The following GRIP1 variants were observed in gnomAD, a reference collection of about 807,000 sequenced individuals.
GRIP1 encodes glutamate receptor-interacting protein 1.
Under a neutral mutation model 129.9 loss-of-function variants are expected in GRIP1, and 45 were observed. The observed-to-expected ratio is 0.35, with a 90% confidence interval of 0.27 to 0.44. The LOEUF is 0.44. Ranked by LOEUF, GRIP1 falls within the 20% of genes least tolerant of loss-of-function variation. The pLI is 1.00. For missense variants in GRIP1, 1,196 were observed against 1,396.8 expected (o/e 0.86, Z 2.29); for synonymous variants, 530 against 520.8 (o/e 1.02, Z -0.24).
intron 1 of GRIP1, among the ~76,000 whole-genome samples, chr12:66,816,247 C>A (rs1173158766): frequency 2.0e-5 from 3 of 152,078 alleles, no homozygotes; most frequent in Admixed American, 2.0e-4. Context: ...TTATTTGTCT[C>A]CCCTCACTTA....
At chr12:66,689,793 G>A (rs2034913049) in intron 1 of GRIP1, among the ~76,000 whole-genome samples, 1 of 152,022 alleles carries the variant, frequency 6.6e-6, no homozygotes, top group Admixed American at 6.6e-5. Context: ...GTAATTGAAA[G>A]TTCGTACCCT....
At chr12:66,449,443 AG>A (rs527830012) in intron 11 of GRIP1, among the ~76,000 whole-genome samples, 46 of 152,162 alleles carry the variant, frequency 3.0e-4, no homozygotes, top group Non-Finnish European at 5.4e-4. Flanking sequence ...AGGAGGAGTA[AG>A]AAAAAAAATC....
chr12:66,398,094 G>A (rs900247085), intron 16 of GRIP1, among the ~76,000 whole-genome samples: 7 of 152,124 alleles, frequency 4.6e-5, no homozygotes, highest in Non-Finnish European at 4.4e-5. Context: ...GCCCCACTGT[G>A]GCTCTGCCCA....
chr12:66,880,111 A>G (rs2040450625), intron 1 of GRIP1, among the ~76,000 whole-genome samples: 1 of 152,118 alleles, frequency 6.6e-6, no homozygotes, highest in South Asian at 2.1e-4. Context: ...AAGACCAGAT[A>G]GCTTGAGGTT....
chr12:67,064,239 T>C lies in GRIP1; in HGVS notation c.58+4811A>G, dbSNP rs138000013. Among the ~76,000 whole-genome samples, 84 of 152,330 alleles carry C rather than the reference T, an allele frequency of 5.5e-4. 2 individuals are homozygous for C. The East Asian group carries it at 0.011, about 20-fold the overall frequency. On this transcript the variant is annotated intron_variant, in intron 1 of 1. Coordinates refer to the GRIP1 transcript ENST00000643019. Reference sequence around the variant, plus strand: ...CCAGTATACATAACTAAGCAAACTCTCTAATGAATTCCTAATGAAAGATTT... The same window carrying C: ...CCAGTATACATAACTAAGCAAACTCCCTAATGAATTCCTAATGAAAGATTT...
At chr12:66,935,382 T>C (rs988119683) in intron 1 of GRIP1, among the ~76,000 whole-genome samples, 1 of 151,916 alleles carries the variant, frequency 6.6e-6, no homozygotes, top group African/African-American at 2.4e-5. Context: ...GCTAAATGAG[T>C]AGCTAATGAA....
At chr12:66,689,224 T>C (rs377183619) in intron 1 of GRIP1, among the ~76,000 whole-genome samples, 1 of 152,296 alleles carries the variant, frequency 6.6e-6, no homozygotes, top group Non-Finnish European at 1.5e-5. Context: ...AAAGCTTGTG[T>C]TGACAGTAAT....
intron 1 of GRIP1, among the ~76,000 whole-genome samples, chr12:66,662,975 T>C (rs1165617827): frequency 6.6e-6 from 1 of 152,208 alleles, no homozygotes; most frequent in Non-Finnish European, 1.5e-5. Context: ...TCAAAGGGTG[T>C]GCCATAATAC....
chr12:66,822,601 T>A (rs1217412842), intron 1 of GRIP1, among the ~76,000 whole-genome samples: 1 of 152,130 alleles, frequency 6.6e-6, no homozygotes, highest in African/African-American at 2.4e-5. Context: ...GGAATCAACC[T>A]AGGTGCCCAT....
chr12:66,772,758 G>A (rs1478291346), intron 1 of GRIP1, among the ~76,000 whole-genome samples: 2 of 152,150 alleles, frequency 1.3e-5, no homozygotes, highest in African/African-American at 4.8e-5. Context: ...GCTTTGGTGA[G>A]CACAAAGTAG....
At chr12:67,069,297 CCGGCGGCTCCGGGCGG>C (rs2043693356), upstream of GRIP1, 1 of 123,760 alleles carries the variant, frequency 8.1e-6, no homozygotes, top group Non-Finnish European at 1.6e-5. Flanking sequence ...CTCAAACTCG[CCGGCGGCTCCGGGCGG>C]CGGCGGCGGC....
At chr12:66,994,063 G>T (rs962485105) in intron 1 of GRIP1, among the ~76,000 whole-genome samples, 1 of 152,024 alleles carries the variant, frequency 6.6e-6, no homozygotes, top group African/African-American at 2.4e-5. Context: ...GGCTTCATCA[G>T]TGAGTACCAA....
intron 4 of GRIP1, among the ~76,000 whole-genome samples, chr12:66,531,250 AAAATATATATATATATATATAT>A (rs2061443445): frequency 5.7e-5 from 2 of 35,122 alleles, no homozygotes; most frequent in East Asian, 1.0e-3. Flanking sequence ...AAAAAAAAAA[AAAATATATATATATATATATAT>A]ATATATATAT....
At chr12:66,996,225 A>G (rs1026816618) in intron 1 of GRIP1, among the ~76,000 whole-genome samples, 1 of 152,186 alleles carries the variant, frequency 6.6e-6, no homozygotes, top group Non-Finnish European at 1.5e-5. Context: ...TCTAAAATTG[A>G]TGTGATAATG....
chr12:66,518,715 C>T (rs2060917347), intron 5 of GRIP1, among the ~76,000 whole-genome samples: 2 of 152,220 alleles, frequency 1.3e-5, no homozygotes, highest in Non-Finnish European at 2.9e-5. Context: ...AGATGTGAGG[C>T]TGCTCACTCC....
chr12:67,015,242 C>G (rs2042768848), intron 1 of GRIP1, among the ~76,000 whole-genome samples: 1 of 152,154 alleles, frequency 6.6e-6, no homozygotes, highest in Non-Finnish European at 1.5e-5. Context: ...TCCCAGAGGT[C>G]ATATGAACCA....
chr12:66,790,036 A>G (rs185950051), intron 1 of GRIP1, among the ~76,000 whole-genome samples: 173 of 152,316 alleles, frequency 1.1e-3, no homozygotes, highest in Non-Finnish European at 2.0e-3. Flanking sequence ...GATTCATTAG[A>G]TCAACATTTT....
chr12:66,549,882 ATT>A (rs763311924), intron 2 of GRIP1, among the ~76,000 whole-genome samples: 59,343 of 151,576 alleles, frequency 0.39, 11,636 homozygotes, highest in East Asian at 0.41. Context: ...TATGTTTCCT[ATT>A]GCACCTCCAA....
At chr12:66,621,879 A>G (rs978466222) in intron 1 of GRIP1, among the ~76,000 whole-genome samples, 5 of 151,940 alleles carry the variant, frequency 3.3e-5, no homozygotes, top group Non-Finnish European at 5.9e-5. Flanking sequence ...CTTATGGCCC[A>G]TTTGTGTATC....
Sources: allele counts gnomAD v4.1 joint callset (sites outside exome capture counted in the v4.1 genomes callset), GRCh38; gene constraint gnomAD v4.1.1; transcripts MANE v1.5; gene names NCBI Gene and HGNC (gene_info 2026-07-23, HGNC 2026-07-21).